The following NALF1 variants were observed in gnomAD, a reference collection of about 807,000 sequenced individuals.
The protein encoded by NALF1 is family with sequence similarity 155 member A.
Under a neutral mutation model 48.4 loss-of-function variants are expected in NALF1, and 3 were observed. That is an observed-to-expected ratio of 0.06 (90% CI 0.03 to 0.16). The LOEUF (loss-of-function observed/expected upper bound fraction) is 0.16, where lower values mean the gene tolerates loss of function less well. Ranked by LOEUF, NALF1 falls within the 10% of genes least tolerant of loss-of-function variation. The pLI is 1.00. For synonymous variants in NALF1, 262 were observed against 245.7 expected (o/e 1.07, Z -0.62); for missense variants, 526 against 571.5 (o/e 0.92, Z 0.81).
At chr13:107,349,897 C>T (rs1242767116) in intron 1 of NALF1, among the ~76,000 whole-genome samples, 1 of 152,066 alleles carries the variant, frequency 6.6e-6, no homozygotes, top group Non-Finnish European at 1.5e-5. Flanking sequence ...GCACCAGGAA[C>T]CGACTTCATG....
intron 1 of NALF1, among the ~76,000 whole-genome samples, chr13:107,517,382 G>C (rs952453716): frequency 1.4e-4 from 22 of 151,912 alleles, no homozygotes; most frequent in Middle Eastern, 3.4e-3. Flanking sequence ...TATAATTCCA[G>C]CACTTTGGGA....
At chr13:107,217,890 A>C (rs1431290227) in intron 1 of NALF1, among the ~76,000 whole-genome samples, 1 of 152,028 alleles carries the variant, frequency 6.6e-6, no homozygotes, top group African/African-American at 2.4e-5. Flanking sequence ...CAGTTAGAGC[A>C]ATCTATAGAA....
intron 1 of NALF1, among the ~76,000 whole-genome samples, chr13:107,329,726 A>G (rs1398065766): frequency 4.8e-5 from 7 of 145,110 alleles, no homozygotes; most frequent in Admixed American, 7.4e-5. Flanking sequence ...TCACTGTTCA[A>G]TTCCCACCTA....
At chr13:107,302,134 G>A (rs932946848) in intron 1 of NALF1, among the ~76,000 whole-genome samples, 38 of 152,180 alleles carry the variant, frequency 2.5e-4, no homozygotes, top group African/African-American at 8.2e-4. Flanking sequence ...GGCTTCAAAA[G>A]AAGAGAGACT....
intron 1 of NALF1, among the ~76,000 whole-genome samples, chr13:107,436,460 A>G (rs1352189819): frequency 1.3e-5 from 2 of 152,198 alleles, no homozygotes; most frequent in Non-Finnish European, 2.9e-5. Context: ...ATAAAGCAAA[A>G]CAACATGTTT....
chr13:107,386,400 C>A (rs1442048147), intron 1 of NALF1, among the ~76,000 whole-genome samples: 3 of 152,176 alleles, frequency 2.0e-5, no homozygotes. Flanking sequence ...TTTGATGTCT[C>A]TGGAAACTTG....
intron 1 of NALF1, among the ~76,000 whole-genome samples, chr13:107,467,195 GAGC>G (rs1475547515): frequency 1.3e-5 from 2 of 152,020 alleles, no homozygotes; most frequent in Non-Finnish European, 2.9e-5. Flanking sequence ...TGAATTTTGA[GAGC>G]AGATTACATA....
At chr13:107,712,137 T>TAC (rs1433203003) in intron 1 of NALF1, among the ~76,000 whole-genome samples, 1 of 151,996 alleles carries the variant, frequency 6.6e-6, no homozygotes, top group African/African-American at 2.4e-5. Context: ...AATCCTACAA[T>TAC]ACACACACAC....
intron 1 of NALF1, among the ~76,000 whole-genome samples, chr13:107,337,289 AC>A (rs1278871652): frequency 1.3e-5 from 2 of 152,210 alleles, no homozygotes; most frequent in Non-Finnish European, 2.9e-5. Flanking sequence ...AAGTTAGATT[AC>A]TTTGCAAGAG....
At chr13:107,384,419 A>G (rs1199676571) in intron 1 of NALF1, among the ~76,000 whole-genome samples, 2 of 152,208 alleles carry the variant, frequency 1.3e-5, no homozygotes, top group Non-Finnish European at 2.9e-5. Context: ...TAACAAAGCT[A>G]TTAAATAACT....
intron 1 of NALF1, among the ~76,000 whole-genome samples, chr13:107,684,369 C>T (rs913119516): frequency 3.9e-5 from 6 of 152,192 alleles, no homozygotes; most frequent in Non-Finnish European, 7.3e-5. Context: ...CATTTGGCAG[C>T]TCCACAAAAA....
At chr13:107,486,693 ATCT>A (rs1885335027) in intron 1 of NALF1, among the ~76,000 whole-genome samples, 1 of 152,164 alleles carries the variant, frequency 6.6e-6, no homozygotes, top group South Asian at 2.1e-4. Context: ...AATTTCTTAC[ATCT>A]TCTTTCCAAT....
At chr13:107,484,250 T>C (rs773233284) in intron 1 of NALF1, among the ~76,000 whole-genome samples, 4 of 152,202 alleles carry the variant, frequency 2.6e-5, no homozygotes, top group Non-Finnish European at 5.9e-5. Context: ...TATCTATTTT[T>C]CCTGCATATT....
At position 107,588,541 on chromosome 13, in the gene NALF1, G is replaced by A. The variant is rs575571173; in HGVS notation, c.915+277141C>T. On this transcript the variant is annotated intron_variant, in intron 1 of 2. Transcript: ENST00000375915. The stretch of plus-strand genomic sequence containing the variant: ...AAAGACAGAATGAAGTCATCAAAGA[G>A]CCACACTGGGCATTTCATTGTTTTG... 1.6e-3 allele frequency among the ~76,000 whole-genome samples: 241 copies of A among 152,210 alleles called. 1 individual carries two copies. Among genetic ancestry groups the A allele is most frequent in the African/African-American group, 5.5e-3 (227 of 41,552 alleles).
At chr13:107,402,832 G>A (rs995841861) in intron 1 of NALF1, among the ~76,000 whole-genome samples, 9 of 151,948 alleles carry the variant, frequency 5.9e-5, no homozygotes, top group African/African-American at 2.2e-4. Flanking sequence ...CACTTAACAG[G>A]GTGTCTGAAA....
At chr13:107,215,818 C>A (rs1331889704) in intron 1 of NALF1, among the ~76,000 whole-genome samples, 1 of 150,250 alleles carries the variant, frequency 6.7e-6, no homozygotes, top group African/African-American at 2.4e-5. Context: ...CAGAACCTTT[C>A]AAAAAATGCC....
chr13:107,676,285 C>T (rs1484832538), intron 1 of NALF1, among the ~76,000 whole-genome samples: 1 of 152,114 alleles, frequency 6.6e-6, no homozygotes, highest in African/African-American at 2.4e-5. Flanking sequence ...GACTTAGGTC[C>T]GGTGCCTAAA....
At chr13:107,407,654 T>G (rs1883922594) in intron 1 of NALF1, among the ~76,000 whole-genome samples, 1 of 152,080 alleles carries the variant, frequency 6.6e-6, no homozygotes, top group Non-Finnish European at 1.5e-5. Flanking sequence ...TCATAAACTG[T>G]TGGTGTAAAT....
chr13:107,281,203 A>G (rs2138872739), intron 1 of NALF1, among the ~76,000 whole-genome samples: 1 of 152,300 alleles, frequency 6.6e-6, no homozygotes, highest in Admixed American at 6.5e-5. Flanking sequence ...CTCTTAAGGG[A>G]CTCACAATAT....
Sources: gnomAD v4.1 joint callset for allele counts (sites outside exome capture counted in the v4.1 genomes callset) on GRCh38, gnomAD v4.1.1 for gene constraint, MANE v1.5 for transcripts, NCBI Gene and HGNC (gene_info 2026-07-23, HGNC 2026-07-21) for gene names.